Variants in CDH13 observed in about 807,000 individuals in gnomAD.
CDH13 encodes the protein cadherin-13.
CDH13 carries 24 observed loss-of-function variants against 63.8 expected under a neutral mutation model. The ratio of observed to expected loss-of-function variants is 0.38; its 90% CI spans 0.27 to 0.53. The LOEUF is 0.53. Among genes scored for constraint, CDH13 ranks in the 20% least tolerant of loss-of-function variants. The pLI is 0.85. For synonymous variants in CDH13, 503 were observed against 355.3 expected (o/e 1.42, Z -4.67); for missense variants, 1,049 against 903.1 (o/e 1.16, Z -2.07).
chr16:83,352,000 T>G (rs1478414363), intron 6 of CDH13, among the ~76,000 whole-genome samples: 1 of 152,226 alleles, frequency 6.6e-6, no homozygotes, highest in Non-Finnish European at 1.5e-5. Context: ...CCTTGCTGGA[T>G]ATTGTGGTGG....
intron 3 of CDH13, among the ~76,000 whole-genome samples, chr16:83,081,270 C>T (rs1208489883): frequency 6.6e-6 from 1 of 152,100 alleles, no homozygotes; most frequent in Non-Finnish European, 1.5e-5. Context: ...GTATCAACCT[C>T]AGTAGAAGAC....
intron 10 of CDH13, among the ~76,000 whole-genome samples, chr16:83,705,332 G>C (rs868837491): frequency 8.3e-4 from 127 of 152,200 alleles, no homozygotes; most frequent in Middle Eastern, 3.4e-3. Context: ...TTTAAAAAAA[G>C]AAAAAGAAGC....
chr16:83,107,711 G>A (rs184352666), intron 3 of CDH13, among the ~76,000 whole-genome samples: 43 of 150,498 alleles, frequency 2.9e-4, no homozygotes, highest in African/African-American at 9.5e-4. Context: ...GAGCATTTGC[G>A]TAGTGAGTGG....
intron 7 of CDH13, among the ~76,000 whole-genome samples, chr16:83,588,993 G>A (rs76241336): frequency 0.02 from 3,064 of 152,258 alleles, 97 homozygotes; most frequent in African/African-American, 0.069. Context: ...CACAAAATCC[G>A]TGGCAGACAG....
At chr16:83,087,414 A>C (rs1256349468) in intron 3 of CDH13, among the ~76,000 whole-genome samples, 1 of 152,168 alleles carries the variant, frequency 6.6e-6, no homozygotes, top group Non-Finnish European at 1.5e-5. Flanking sequence ...TCACGCCTGT[A>C]ATCCCAGCAC....
chr16:83,742,187 G>T (rs568989324), intron 10 of CDH13, among the ~76,000 whole-genome samples: 60 of 152,330 alleles, frequency 3.9e-4, no homozygotes, highest in Non-Finnish European at 7.1e-4. Context: ...GCTGGCCCTG[G>T]CCACTTGCCT....
intron 1 of CDH13, among the ~76,000 whole-genome samples, chr16:82,669,579 A>G (rs1163495683): frequency 6.6e-6 from 1 of 152,256 alleles, no homozygotes; most frequent in East Asian, 1.9e-4. Context: ...GTTTCTCATT[A>G]AAAGCATTAT....
At chr16:83,213,655 A>C (rs2039402550) in intron 4 of CDH13, among the ~76,000 whole-genome samples, 1 of 152,216 alleles carries the variant, frequency 6.6e-6, no homozygotes, top group Admixed American at 6.5e-5. Context: ...GTATGTTAAT[A>C]GAATCTTCAA....
At chr16:83,315,224 C>T (rs774526536) in intron 5 of CDH13, among the ~76,000 whole-genome samples, 6 of 152,298 alleles carry the variant, frequency 3.9e-5, no homozygotes, top group East Asian at 1.9e-4. Flanking sequence ...CAGTAAACTC[C>T]GCTGAATCCG....
chr16:83,321,698 T>C (rs1257112504), intron 5 of CDH13, among the ~76,000 whole-genome samples: 1 of 151,986 alleles, frequency 6.6e-6, no homozygotes, highest in African/African-American at 2.4e-5. Flanking sequence ...CCAGCTAATT[T>C]TTTGTATTTT....
chr16:83,576,685 G>T (rs1329954306), intron 7 of CDH13, among the ~76,000 whole-genome samples: 1 of 152,168 alleles, frequency 6.6e-6, no homozygotes, highest in Non-Finnish European at 1.5e-5. Flanking sequence ...TGTTGTTGCT[G>T]TTTTTTATGC....
At chr16:83,372,354 C>T (rs979795040) in intron 6 of CDH13, among the ~76,000 whole-genome samples, 3 of 152,162 alleles carry the variant, frequency 2.0e-5, no homozygotes, top group African/African-American at 4.8e-5. Context: ...GTTCTAACTT[C>T]ATGTGTCATG....
chr16:83,430,621 A>T (rs2072069075), intron 6 of CDH13, among the ~76,000 whole-genome samples: 1 of 152,112 alleles, frequency 6.6e-6, no homozygotes, highest in South Asian at 2.1e-4. Context: ...TTCAGTGGTA[A>T]AGAATTTACA....
intron 7 of CDH13, among the ~76,000 whole-genome samples, chr16:83,540,531 CTCT>C (rs938397544): frequency 1.3e-5 from 2 of 152,188 alleles, no homozygotes; most frequent in Admixed American, 6.5e-5. Flanking sequence ...GCAGGGAGCT[CTCT>C]TCTTCTTCCC....
At chr16:83,648,032 C>T (rs1020290431) in intron 8 of CDH13, among the ~76,000 whole-genome samples, 10 of 152,160 alleles carry the variant, frequency 6.6e-5, no homozygotes, top group African/African-American at 2.4e-4. Context: ...CTAGTGACCA[C>T]ACCTTTTTTT....
Position 83,225,524 on chromosome 16 carries a change from C to T in CDH13, c.636+8027C>T, listed in dbSNP as rs555286168. 1.4e-4 allele frequency among the ~76,000 whole-genome samples: 21 copies of T among 152,298 alleles called. No homozygotes were observed. The Middle Eastern group carries it at 0.017, about 123-fold the overall frequency. On this transcript the variant is annotated intron_variant, in intron 5 of 13. Coordinates refer to ENST00000567109, the MANE Select transcript of CDH13 (RefSeq NM_001257.5). The stretch of plus-strand genomic sequence containing the variant: ...TTTCTCAGCCAGAGATGAAGATGTC[C>T]TCAGAAGATTGGAGTTGGAACAGGC...
intron 2 of CDH13, among the ~76,000 whole-genome samples, chr16:83,022,646 G>A (rs1438249249): frequency 6.6e-6 from 1 of 152,148 alleles, no homozygotes; most frequent in Non-Finnish European, 1.5e-5. Context: ...CTGGGGGAGG[G>A]CTACAACTTC....
chr16:82,947,877 GT>G (rs1404147741), intron 2 of CDH13, among the ~76,000 whole-genome samples: 2 of 152,168 alleles, frequency 1.3e-5, no homozygotes, highest in Non-Finnish European at 2.9e-5. Flanking sequence ...GTCACAGGGA[GT>G]AATGAATTCA....
chr16:82,913,340 T>C (rs986429912), intron 2 of CDH13, among the ~76,000 whole-genome samples: 1 of 152,088 alleles, frequency 6.6e-6, no homozygotes, highest in Non-Finnish European at 1.5e-5. Context: ...GGATGTCCAT[T>C]CCCACAGGAG....
Sources: gnomAD v4.1 joint callset for allele counts (sites outside exome capture counted in the v4.1 genomes callset) on GRCh38, gnomAD v4.1.1 for gene constraint, MANE v1.5 for transcripts, NCBI Gene and HGNC (gene_info 2026-07-23, HGNC 2026-07-21) for gene names.